Variants in CCDC15 observed in about 807,000 individuals in gnomAD.
CCDC15 encodes coiled-coil domain containing 15.
Under a neutral mutation model 114.5 loss-of-function variants are expected in CCDC15, and 105 were observed. The observed-to-expected ratio is 0.92, with a 90% CI of 0.78 to 1.08. The LOEUF is 1.08. Ranked by LOEUF, CCDC15 falls within the 50% of genes least tolerant of loss-of-function variation. The pLI, the probability that CCDC15 is intolerant of heterozygous loss-of-function variation, is 0.00. For missense variants in CCDC15, 1,105 were observed against 1,093.6 expected (o/e 1.01, Z -0.15); for synonymous variants, 334 against 377.8 (o/e 0.88, Z 1.34).
chr11:125,018,455 T>C (rs1948642037), intron 13 of CCDC15, among the ~76,000 whole-genome samples: 1 of 152,020 alleles, frequency 6.6e-6, no homozygotes, highest in South Asian at 2.1e-4. Context: ...ATCTCCATAA[T>C]TGGGTAAAGC....
intron 4 of CCDC15, among the ~76,000 whole-genome samples, chr11:124,968,815 A>G (rs1202944644): frequency 1.3e-5 from 2 of 152,136 alleles, no homozygotes; most frequent in East Asian, 1.9e-4. Flanking sequence ...TTTTTATATT[A>G]TCTCCATATG....
At chr11:124,983,777 C>T (rs956847081) in intron 6 of CCDC15, among the ~76,000 whole-genome samples, 13 of 151,660 alleles carry the variant, frequency 8.6e-5, no homozygotes, top group Non-Finnish European at 1.6e-4. Context: ...GCAGTGGCAG[C>T]GTGGCAGGGT....
chr11:125,039,820 C>T (rs1041695590), intron 15 of CCDC15, among the ~76,000 whole-genome samples: 10 of 152,194 alleles, frequency 6.6e-5, no homozygotes, highest in African/African-American at 2.4e-4. Context: ...CTGGGCCCTA[C>T]TCTAGCCTTA....
intron 8 of CCDC15, 85 bp downstream of exon 8, chr11:124,988,219 C>G: frequency 7.4e-7 from 1 of 1,350,238 alleles, no homozygotes; most frequent in East Asian, 2.3e-5. Context: ...TGCAAGTATA[C>G]CTTGGAGATA....
intron 4 of CCDC15, among the ~76,000 whole-genome samples, chr11:124,970,611 A>G (rs962349244): frequency 1.3e-5 from 2 of 152,230 alleles, no homozygotes; most frequent in Non-Finnish European, 2.9e-5. Flanking sequence ...GTAAAATTCT[A>G]TAAATATTAG....
chr11:125,016,958 G>T (rs527760576), intron 13 of CCDC15, among the ~76,000 whole-genome samples: 1 of 152,044 alleles, frequency 6.6e-6, no homozygotes, highest in Admixed American at 6.6e-5. Flanking sequence ...CTTTACAGAT[G>T]GTATCAGAAG....
Position 124,970,698 on chromosome 11 carries a change from A to G in CCDC15, c.517-4398A>G, listed in dbSNP as rs189526973. ...GTTTATACAGTTACATGTAAATTCTATCTTATTCTTGATTGGCTAAAAAAT... is the reference window on the plus strand; with the variant it reads ...GTTTATACAGTTACATGTAAATTCTGTCTTATTCTTGATTGGCTAAAAAAT... On this transcript the variant is annotated intron_variant, in intron 4 of 15. Coordinates refer to ENST00000344762, the MANE Select transcript of CCDC15 (RefSeq NM_025004.3). Among the ~76,000 whole-genome samples the G allele has an allele frequency of 1.2e-3, 185 of 152,302 alleles. 1 individual carries two copies. The highest frequency in any genetic ancestry group is 0.01 in the Admixed American group (155 of 15,298).
At chr11:124,957,960 C>T (rs190371862) in intron 2 of CCDC15, among the ~76,000 whole-genome samples, 12 of 152,170 alleles carry the variant, frequency 7.9e-5, no homozygotes, top group African/African-American at 2.4e-4. Context: ...TAGAGAGGAA[C>T]ATAATTGTTG....
chr11:124,995,065 T>TA (rs1384109771), intron 11 of CCDC15, among the ~76,000 whole-genome samples: 1 of 152,176 alleles, frequency 6.6e-6, no homozygotes, highest in East Asian at 1.9e-4. Context: ...AAGGTTGGCC[T>TA]AAGGGTATGC....
intron 13 of CCDC15, among the ~76,000 whole-genome samples, chr11:125,034,733 A>T (rs1054478596): frequency 6.6e-6 from 1 of 152,138 alleles, no homozygotes; most frequent in Non-Finnish European, 1.5e-5. Flanking sequence ...GCCAGGGACC[A>T]TAGTGTTCTC....
intron 3 of CCDC15, 83 bp from the exon 4 acceptor site, chr11:124,959,732 T>C: frequency 3.3e-6 from 1 of 305,238 alleles, no homozygotes; most frequent in Non-Finnish European, 5.5e-6. Context: ...CAATTTAAAA[T>C]CTTCTGAACT....
intron 13 of CCDC15, among the ~76,000 whole-genome samples, chr11:125,025,305 G>C (rs1168350925): frequency 6.6e-6 from 1 of 150,912 alleles, no homozygotes; most frequent in African/African-American, 2.4e-5. Flanking sequence ...AATGAGATTT[G>C]CTAAACTTTT....
chr11:124,987,097 T>C, intron 7 of CCDC15, 30 bp from the exon 8 acceptor site: 1 of 1,470,436 alleles, frequency 6.8e-7, no homozygotes, highest in Non-Finnish European at 9.0e-7. Flanking sequence ...TAACTCACAT[T>C]CTGTATTTGG....
chr11:125,013,070 T>G (rs528241291), intron 13 of CCDC15, among the ~76,000 whole-genome samples: 92 of 152,196 alleles, frequency 6.0e-4, no homozygotes, highest in South Asian at 1.9e-3. Flanking sequence ...TAATAAGATC[T>G]CAATAAAAAG....
intron 13 of CCDC15, among the ~76,000 whole-genome samples, chr11:125,036,064 C>G (rs1257084702): frequency 2.1e-5 from 3 of 144,150 alleles, no homozygotes; most frequent in East Asian, 4.0e-4. Flanking sequence ...CTTACTATTA[C>G]TAGTGAGTTT....
At chr11:125,001,181 C>T (rs971318787) in intron 11 of CCDC15, among the ~76,000 whole-genome samples, 15 of 152,092 alleles carry the variant, frequency 9.9e-5, no homozygotes, top group African/African-American at 3.6e-4. Flanking sequence ...AAATAGACTG[C>T]AAAAAGAACA....
chr11:125,024,033 A>T (rs1215276595), intron 13 of CCDC15, among the ~76,000 whole-genome samples: 1 of 151,982 alleles, frequency 6.6e-6, no homozygotes, highest in Non-Finnish European at 1.5e-5. Context: ...TTCTCAAATC[A>T]CATTATGGTG....
chr11:125,040,587 C>A lies in CCDC15; in HGVS notation c.2735-3C>A. 2.5e-6 allele frequency: 4 copies of A among 1,599,662 alleles called. No homozygotes were observed. Among genetic ancestry groups the A allele is most frequent in the Non-Finnish European group, 3.4e-6 (4 of 1,173,122 alleles). Reference sequence around the variant, plus strand: ...TCATTGCTGTGCAAACCTTTTTTTGCAGCATATACTCGGGCACTACATTCA... The same window carrying A: ...TCATTGCTGTGCAAACCTTTTTTTGAAGCATATACTCGGGCACTACATTCA... On this transcript the variant is annotated splice_polypyrimidine_tract_variant and splice_region_variant and intron_variant, in intron 15 of 15. Transcript: ENST00000344762.
chr11:125,032,714 G>A (rs1046834576), intron 13 of CCDC15, among the ~76,000 whole-genome samples: 2 of 152,210 alleles, frequency 1.3e-5, no homozygotes, highest in Admixed American at 6.5e-5. Flanking sequence ...CAATGTGGGG[G>A]TTCTGCCTGC....
Sources: gnomAD v4.1 joint callset for allele counts (sites outside exome capture counted in the v4.1 genomes callset) on GRCh38, gnomAD v4.1.1 for gene constraint, MANE v1.5 for transcripts, NCBI Gene and HGNC (gene_info 2026-07-23, HGNC 2026-07-21) for gene names.